Variants in TICRR observed in about 807,000 individuals in gnomAD.
The protein encoded by TICRR is treslin.
In TICRR, 132 loss-of-function variants were observed where a neutral mutation model predicts 178.1. The ratio of observed to expected loss-of-function variants is 0.74; its 90% confidence interval spans 0.64 to 0.86. The LOEUF is 0.86. Among genes scored for constraint, TICRR ranks in the 40% least tolerant of loss-of-function variants. TICRR has a pLI of 0.00. For missense variants in TICRR, 2,587 were observed against 2,334.3 expected (o/e 1.11, Z -2.23); for synonymous variants, 991 against 900.7 (o/e 1.10, Z -1.79).
Position 89,627,027 on chromosome 15 carries a change from C to G in TICRR, c.5674C>G (p.Pro1892Ala), listed in dbSNP as rs1371527340. 2 of 1,614,094 alleles carry G rather than the reference C, an allele frequency of 1.2e-6. No homozygotes were observed. The highest frequency in any genetic ancestry group is 3.3e-5 in the Admixed American group (2 of 60,006). The change falls in exon 22 of 22, where the codon CCC (proline) becomes GCC (alanine). Residue 1892 changes from proline to alanine, a missense_variant. Transcript: ENST00000268138. Reference protein sequence around the residue: ...PFSRAFSRRRPISRTYTRKKL... With the variant: ...PFSRAFSRRRAISRTYTRKKL... ...CAGTCGCGCTTTCTCCAGGAGGCGCCCCATCAGCAGAACTTATACACGGAA... is the reference window on the plus strand; with the variant it reads ...CAGTCGCGCTTTCTCCAGGAGGCGCGCCATCAGCAGAACTTATACACGGAA...
chr15:89,583,348 C>A (rs1014675703), intron 2 of TICRR, among the ~76,000 whole-genome samples: 1 of 152,160 alleles, frequency 6.6e-6, no homozygotes, highest in Non-Finnish European at 1.5e-5. Flanking sequence ...ATAAATTAGT[C>A]TACAGAAACC....
intron 14 of TICRR, among the ~76,000 whole-genome samples, chr15:89,608,153 A>C (rs1170462549): frequency 6.6e-6 from 1 of 152,142 alleles, no homozygotes; most frequent in African/African-American, 2.4e-5. Context: ...CTTCTAACTC[A>C]ATAAGTGGTG....
chr15:89,596,421 A>G (rs1962999603), intron 7 of TICRR, among the ~76,000 whole-genome samples: 1 of 152,056 alleles, frequency 6.6e-6, no homozygotes, highest in African/African-American at 2.4e-5. Flanking sequence ...ATCTTGGCTC[A>G]CTGCAACCTC....
At chr15:89,577,763 C>T (rs1962651740) in intron 1 of TICRR, among the ~76,000 whole-genome samples, 1 of 151,840 alleles carries the variant, frequency 6.6e-6, no homozygotes, top group African/African-American at 2.4e-5. Context: ...CGGGCGCCAC[C>T]AGGCCTGGCT....
intron 12 of TICRR, 102 bp downstream of exon 12, chr15:89,602,078 G>A: frequency 7.0e-7 from 1 of 1,422,172 alleles, no homozygotes; most frequent in African/African-American, 1.4e-5. Flanking sequence ...ATAATTTGTT[G>A]AACTAATAGC....
rs1963119278 is a variant in TICRR, at chr15:89,602,878, A to G, written c.2650A>G (p.Arg884Gly). 1 of 1,523,526 alleles carries G rather than the reference A, an allele frequency of 6.6e-7. No homozygotes were observed. Among genetic ancestry groups the G allele is most frequent in the Non-Finnish European group, 8.8e-7 (1 of 1,135,718 alleles). The allele number at this position is 1,523,526 out of a possible 1,614,324, so 94.4% of individuals were successfully genotyped here. A position where few individuals can be genotyped will look rare whatever the true frequency, so the allele number is the denominator to read the frequency against. The change falls in exon 13 of 22, where the codon AGA (arginine) becomes GGA (glycine). Residue 884 changes from arginine (R) to glycine (G), a missense_variant. Coordinates refer to ENST00000268138, the MANE Select transcript of TICRR (RefSeq NM_152259.4). ...AATTGAAATTCCTAAAGTGTCAAAGAGAGCTACGAAAAAAGTAAGTAAACC... is the reference window on the plus strand; with the variant it reads ...AATTGAAATTCCTAAAGTGTCAAAGGGAGCTACGAAAAAAGTAAGTAAACC... Reference protein sequence around the residue: ...RQIEIPKVSKRATKKENSHPA... With the variant: ...RQIEIPKVSKGATKKENSHPA...
Position 89,594,459 on chromosome 15 carries a change from C to T in TICRR, c.1586C>T (p.Thr529Ile). The T allele has an allele frequency of 6.2e-7, 1 of 1,613,306 alleles. No homozygotes were observed. Among genetic ancestry groups the T allele is most frequent in the Non-Finnish European group, 8.5e-7 (1 of 1,179,592 alleles). Residue 529 changes from threonine (T) to isoleucine (I), a missense_variant, in exon 6 of 22, where the codon ACT becomes ATT. Thr to Ile is a moderately conservative substitution (Grantham distance 89, BLOSUM62 -1). Coordinates refer to ENST00000268138, the MANE Select transcript of TICRR (RefSeq NM_152259.4). Reference protein sequence around the residue: ...ASANKEESSKTEGELIHCLAE... With the variant: ...ASANKEESSKIEGELIHCLAE... ...GCTAATAAGGAAGAGTCTTCCAAAA[C>T]TGAAGGCGAATTAATACATTGCCTT...
intron 5 of TICRR, 63 bp downstream of exon 5, chr15:89,592,239 T>A: frequency 1.3e-6 from 2 of 1,495,896 alleles, no homozygotes; most frequent in Non-Finnish European, 1.8e-6. Flanking sequence ...TATCTGCATT[T>A]TTTTCTTAAC....
Position 89,601,913 on chromosome 15 carries a change from T to C in TICRR, c.2504T>C (p.Val835Ala). ...TTTTTGTCAAGTGCTCGTAGATCAG[T>C]GTCAGGCAGCCCTGAATCTGATGAA... ...VPFLSSARRS[V>A]SGSPESDELQ... The change falls in exon 12 of 22, where the codon GTG becomes GCG. Residue 835 changes from valine (V) to alanine (A), a missense_variant. Val to Ala is a moderately conservative substitution (Grantham distance 64). Coordinates refer to ENST00000268138, the MANE Select transcript of TICRR (RefSeq NM_152259.4). The C allele has an allele frequency of 1.2e-6, 2 of 1,614,168 alleles. No individual in the cohort carries two copies. The highest frequency in any genetic ancestry group is 8.5e-7 in the Non-Finnish European group (1 of 1,180,008).
intron 17 of TICRR, among the ~76,000 whole-genome samples, chr15:89,619,221 C>CTTTTTTTTTTTTT (rs386383750): frequency 8.0e-5 from 9 of 111,998 alleles, no homozygotes; most frequent in African/African-American, 2.8e-4. Context: ...CACCATTCTT[C>CTTTTTTTTTTTTT]TTTTTTTTTT....
intron 4 of TICRR, among the ~76,000 whole-genome samples, chr15:89,586,531 C>CAATA (rs895131309): frequency 2.0e-5 from 3 of 151,978 alleles, no homozygotes; most frequent in African/African-American, 7.3e-5. Context: ...GGAGACAAAA[C>CAATA]AATAAGTCAG....
Position 89,600,597 on chromosome 15 carries a change from A to T in TICRR, c.2065A>T (p.Asn689Tyr). The change falls in exon 9 of 22, where the codon AAT (asparagine) becomes TAT (tyrosine). Residue 689 changes from asparagine (N) to tyrosine (Y), a missense_variant. Physicochemically the swap from Asn to Tyr is moderately radical, Grantham distance 143. Coordinates refer to ENST00000268138, the MANE Select transcript of TICRR (RefSeq NM_152259.4). ...TTTGTATTTTTAGGTGAACTGCCTG[A>T]ATCAAGTAAAAAGTAGTCTCTTAAA... ...GTKELEVNCLNQVKSSLLKTS... is the reference protein window; with the variant it reads ...GTKELEVNCLYQVKSSLLKTS... The T allele has an allele frequency of 6.4e-7, 1 of 1,568,760 alleles. No individual in the cohort carries two copies. The highest frequency in any genetic ancestry group is 1.4e-5 in the African/African-American group (1 of 73,346).
intron 8 of TICRR, 81 bp downstream of exon 8, chr15:89,599,556 G>A: frequency 7.1e-7 from 1 of 1,401,338 alleles, no homozygotes; most frequent in African/African-American, 1.4e-5. Context: ...TTAGTGTCTT[G>A]GAAAATGTCT....
intron 19 of TICRR, among the ~76,000 whole-genome samples, 176 bp downstream of exon 19, chr15:89,621,726 C>T (rs1963428370): frequency 1.3e-5 from 2 of 152,116 alleles, no homozygotes; most frequent in Admixed American, 6.5e-5. Flanking sequence ...GAACTTCAAG[C>T]AGCAGGTTTG....
intron 13 of TICRR, among the ~76,000 whole-genome samples, 196 bp from the exon 14 acceptor site, chr15:89,606,572 A>G (rs989434768): frequency 1.3e-5 from 2 of 152,082 alleles, no homozygotes; most frequent in African/African-American, 4.8e-5. Context: ...GGGCATTTAT[A>G]GTGTTTTTTA....
chr15:89,616,317 C>T (rs966555423), intron 15 of TICRR, 88 bp from the exon 16 acceptor site: 3 of 1,033,996 alleles, frequency 2.9e-6, no homozygotes, highest in Non-Finnish European at 4.5e-6. Context: ...ATAAGCCATA[C>T]AGAAGTTCAA....
At chr15:89,610,509 A>G (rs766300699) in intron 15 of TICRR, among the ~76,000 whole-genome samples, 6 of 152,208 alleles carry the variant, frequency 3.9e-5, no homozygotes, top group Non-Finnish European at 8.8e-5. Flanking sequence ...TTGTCTGACA[A>G]TAATACAGCT....
rs1158352591 is a variant in TICRR at position 89,628,017 on chromosome 15, T to C, written c.*931T>C. The C allele has an allele frequency of 1.8e-5, 3 of 168,640 alleles. No homozygotes were observed. Among genetic ancestry groups the C allele is most frequent in the Non-Finnish European group, 1.3e-5 (1 of 79,654 alleles). The allele number at this position is 168,640 out of a possible 1,614,324, so 10.4% of individuals were successfully genotyped here. The stretch of plus-strand genomic sequence containing the variant: ...TTTTTTATTAAATGGTTTTTTAAGA[T>C]CCTAAAGTCTCCCAGTTTCCCCTAT... On this transcript the variant is annotated 3_prime_UTR_variant, in exon 22 of 22. Coordinates refer to ENST00000268138, the MANE Select transcript of TICRR (RefSeq NM_152259.4).
At chr15:89,599,176 G>GCC in intron 7 of TICRR, 148 bp from the exon 8 acceptor site, 1 of 230,192 alleles carries the variant, frequency 4.3e-6, no homozygotes, top group Non-Finnish European at 8.1e-6. Context: ...AGCCACCCCC[G>GCC]CCCCCACCAC....
Sources: allele counts gnomAD v4.1 joint callset (sites outside exome capture counted in the v4.1 genomes callset), GRCh38; gene constraint gnomAD v4.1.1; transcripts MANE v1.5; gene names NCBI Gene and HGNC (gene_info 2026-07-23, HGNC 2026-07-21).